Variants in PPP2R5A observed in about 807,000 individuals in gnomAD.
PPP2R5A encodes serine/threonine-protein phosphatase 2A 56 kDa regulatory subunit alpha isoform.
Under a neutral mutation model 64.2 loss-of-function variants are expected in PPP2R5A, and 25 were observed. The observed-to-expected ratio is 0.39, with a 90% CI of 0.28 to 0.54. The LOEUF (loss-of-function observed/expected upper bound fraction) is 0.54, where lower values mean the gene tolerates loss of function less well. Ranked by LOEUF, PPP2R5A falls within the 20% of genes least tolerant of loss-of-function variation. PPP2R5A has a pLI of 0.67. For missense variants in PPP2R5A, 425 were observed against 576.3 expected, an observed-to-expected ratio of 0.74 and a Z score of 2.69; for synonymous variants, 198 against 201.2, an observed-to-expected ratio of 0.98 and a Z score of 0.13.
At chr1:212,320,822 C>T (rs534232677) in intron 1 of PPP2R5A, among the ~76,000 whole-genome samples, 169 of 137,046 alleles carry the variant, frequency 1.2e-3, no homozygotes, top group Admixed American at 2.7e-3. Context: ...CTGACCCCCC[C>T]ACCTCCCTCC....
intron 1 of PPP2R5A, among the ~76,000 whole-genome samples, chr1:212,288,780 T>C (rs1558136543): frequency 1.3e-5 from 2 of 152,214 alleles, no homozygotes; most frequent in Non-Finnish European, 2.9e-5. Context: ...GAAAGAATTT[T>C]CTTCCTCCTC....
At chr1:212,309,665 A>T (rs1658991032) in intron 1 of PPP2R5A, 2 of 496,496 alleles carry the variant, frequency 4.0e-6, no homozygotes, top group Admixed American at 3.6e-5. Context: ...TTTCTGGCAC[A>T]TGGGTTATAT....
Position 212,329,212 on chromosome 1 carries a change from T to C in PPP2R5A, c.259T>C (p.Ser87Pro), listed in dbSNP as rs1571597343. 6.2e-7 allele frequency: 1 copy of C among 1,613,512 alleles called. No homozygotes were observed. Among genetic ancestry groups the C allele is most frequent in the Non-Finnish European group, 8.5e-7 (1 of 1,179,740 alleles). Residue 87 changes from serine to proline, a missense_variant, in exon 2 of 13, where the codon TCT becomes CCT. Ser to Pro is a moderately conservative substitution (Grantham distance 74, BLOSUM62 -1). Coordinates refer to ENST00000261461, the MANE Select transcript of PPP2R5A (RefSeq NM_006243.4). Reference protein sequence around the residue: ...QCCILFDFMDSVSDLKSKEIK... With the variant: ...QCCILFDFMDPVSDLKSKEIK... ...TTGTATACTGTTTGATTTCATGGAC[T>C]CTGTTTCAGACTTGAAGAGCAAAGA...
chr1:212,297,132 TTTTTTTG>T lies in PPP2R5A; in HGVS notation c.181+10842_181+10848del, dbSNP rs1658711909. ...TTTTTTTTTTTTTTTTTTTTTTTTTTTTTTTTGGAGACGGAGTCTCACTCTATCGCCC... is the reference window on the plus strand; with the variant it reads ...TTTTTTTTTTTTTTTTTTTTTTTTTTGAGACGGAGTCTCACTCTATCGCCC... On this transcript the variant is annotated intron_variant, in intron 1 of 12. Coordinates refer to ENST00000261461, the MANE Select transcript of PPP2R5A (RefSeq NM_006243.4). Among the ~76,000 whole-genome samples, 3 of 12,134 alleles carry T rather than the reference TTTTTTTG, an allele frequency of 2.5e-4. 1 individual carries two copies. The highest frequency in any genetic ancestry group is 1.8e-3 in the African/African-American group (3 of 1,666). 8.0% of individuals were successfully genotyped at this position (12,134 alleles called of 152,430 possible). A position where few individuals can be genotyped will look rare whatever the true frequency, so the allele number is the denominator to read the frequency against.
chr1:212,309,324 G>A, intron 1 of PPP2R5A: 2 of 1,524,828 alleles, frequency 1.3e-6, no homozygotes, highest in Non-Finnish European at 1.8e-6. Flanking sequence ...TTCTCCTGGG[G>A]GCGCTCTTCC....
In PPP2R5A at chr1:212,329,248, G is replaced by A. The variant is rs748103080; in HGVS notation, c.295G>A (p.Ala99Thr). The A allele has an allele frequency of 6.2e-7, 1 of 1,613,560 alleles. No homozygotes were observed. Among genetic ancestry groups the A allele is most frequent in the Non-Finnish European group, 8.5e-7 (1 of 1,179,774 alleles). ...SDLKSKEIKR[A>T]TLNELVEYVS... ...CTTGAAGAGCAAAGAAATTAAAAGA[G>A]CAACACTGAATGAACTGGTTGAGTA... Residue 99 changes from alanine to threonine, a missense_variant, in exon 2 of 13, where the codon GCA (alanine) becomes ACA (threonine). Transcript: ENST00000261461.
intron 1 of PPP2R5A, among the ~76,000 whole-genome samples, chr1:212,298,408 G>GC: frequency 2.1e-5 from 1 of 47,106 alleles, no homozygotes. Context: ...CGGCAGAAGT[G>GC]CCCCTCACCT....
At chr1:212,354,724 T>C (rs1659947809) in intron 8 of PPP2R5A, among the ~76,000 whole-genome samples, 1 of 111,338 alleles carries the variant, frequency 9.0e-6, no homozygotes, top group African/African-American at 4.2e-5. Flanking sequence ...GAGAGAAATG[T>C]TGAGAGAGAG....
At chr1:212,319,947 G>GTTTTTTTTTTTT (rs71137742) in intron 1 of PPP2R5A, among the ~76,000 whole-genome samples, 2 of 103,356 alleles carry the variant, frequency 1.9e-5, no homozygotes, top group Non-Finnish European at 1.9e-5. Context: ...CTTACAGATT[G>GTTTTTTTTTTTT]TTTTTTTTTT....
chr1:212,285,838 T>A lies in PPP2R5A; in HGVS notation c.-273T>A, dbSNP rs1658483565. On this transcript the variant is annotated 5_prime_UTR_variant, in exon 1 of 13. Coordinates refer to ENST00000261461, the MANE Select transcript of PPP2R5A (RefSeq NM_006243.4). ...CTCTGCGCGCCCAGAGTCAACAACT[T>A]CTTCACCCCCCTCCGCCCCCGCCCT... 1 of 353,494 alleles carries A rather than the reference T, an allele frequency of 2.8e-6. No homozygotes were observed. Among genetic ancestry groups the A allele is most frequent in the African/African-American group, 2.1e-5 (1 of 46,686 alleles). The allele number at this position is 353,494 out of a possible 1,614,324, so 21.9% of individuals were successfully genotyped here.
At chr1:212,335,454 A>G (rs1336775897) in intron 3 of PPP2R5A, among the ~76,000 whole-genome samples, 2 of 151,412 alleles carry the variant, frequency 1.3e-5, no homozygotes, top group Non-Finnish European at 2.9e-5. Context: ...CAGCCTGGGC[A>G]ACAAGAGAGA....
chr1:212,347,498 AT>A, intron 6 of PPP2R5A, 92 bp downstream of exon 6: 1 of 961,530 alleles, frequency 1.0e-6, no homozygotes, highest in Non-Finnish European at 1.6e-6. Flanking sequence ...ATTATGTCAT[AT>A]TTTAGAGTTT....
At position 212,348,441 on chromosome 1, in the gene PPP2R5A, A is replaced by G; in HGVS notation, c.817A>G (p.Met273Val). ...GAAAGCAGAACATAAACAATTTCTAATGAAGGTTCTTATTCCTATGCATAC... is the reference window on the plus strand; with the variant it reads ...GAAAGCAGAACATAAACAATTTCTAGTGAAGGTTCTTATTCCTATGCATAC... ...PLKAEHKQFL[M>V]KVLIPMHTAK... Residue 273 changes from methionine (M) to valine (V), a missense_variant, in exon 7 of 13, where the codon ATG becomes GTG. By Grantham distance (21) the Met-to-Val change is conservative. Around this residue, in one of 4 missense-constraint regions of PPP2R5A, gnomAD observed 177 missense variants for 244.8 expected, o/e 0.72. Coordinates refer to ENST00000261461, the MANE Select transcript of PPP2R5A (RefSeq NM_006243.4). 6.2e-7 allele frequency: 1 copy of G among 1,611,250 alleles called. No homozygotes were observed. Among genetic ancestry groups the G allele is most frequent in the South Asian group, 1.1e-5 (1 of 90,992 alleles).
At chr1:212,341,299 C>T (rs1171207601) in intron 3 of PPP2R5A, among the ~76,000 whole-genome samples, 3 of 152,204 alleles carry the variant, frequency 2.0e-5, no homozygotes, top group African/African-American at 7.2e-5. Flanking sequence ...CATTTCTTCC[C>T]TAGCCCTGTA....
chr1:212,318,036 G>A (rs760223633), intron 1 of PPP2R5A, among the ~76,000 whole-genome samples: 8 of 152,162 alleles, frequency 5.3e-5, no homozygotes, highest in Non-Finnish European at 1.2e-4. Flanking sequence ...AAAACCTAGC[G>A]GGGCTTTTGT....
rs1419844086 is a variant in PPP2R5A, at chr1:212,319,955, T to G, written c.182-9180T>G. Reference sequence around the variant, plus strand: ...TCTTTTTCTTACAGATTGTTTTTTTTTTTTTTTTTTTTTATTGATCATTCT... The same window carrying G: ...TCTTTTTCTTACAGATTGTTTTTTTGTTTTTTTTTTTTTATTGATCATTCT... On this transcript the variant is annotated intron_variant, in intron 1 of 12. Transcript: ENST00000261461. 4.0e-5 allele frequency among the ~76,000 whole-genome samples: 6 copies of G among 149,624 alleles called. No homozygotes were observed. In the South Asian group the frequency reaches 1.1e-3, roughly 26 times the overall value.
In PPP2R5A at chr1:212,286,219, C is replaced by T. The variant is rs868609509; in HGVS notation, c.109C>T (p.Arg37Cys). Residue 37 changes from arginine (R) to cysteine (C), a missense_variant, in exon 1 of 13, where the codon CGC becomes TGC. Physicochemically the swap from Arg to Cys is radical, Grantham distance 180 (BLOSUM62 -3). This residue lies in a region of PPP2R5A where 104 missense variants were observed against 95.7 expected (regional missense o/e 1.09). Coordinates refer to ENST00000261461, the MANE Select transcript of PPP2R5A (RefSeq NM_006243.4). ...GGTCCGCAAGGCGCAGAGGCAGAAG[C>T]GCTCCCAGGGCTCGTCGCAGTTTCG... ...KSVRKAQRQK[R>C]SQGSSQFRSQ... 6.4e-7 allele frequency: 1 copy of T among 1,572,278 alleles called. No individual in the cohort carries two copies. The highest frequency in any genetic ancestry group is 8.6e-7 in the Non-Finnish European group (1 of 1,160,316).
intron 8 of PPP2R5A, among the ~76,000 whole-genome samples, chr1:212,355,189 T>C (rs1029028003): frequency 6.6e-6 from 1 of 152,234 alleles, no homozygotes; most frequent in African/African-American, 2.4e-5. Flanking sequence ...CATCTGATTT[T>C]TACTGATGTT....
intron 1 of PPP2R5A, among the ~76,000 whole-genome samples, chr1:212,319,756 G>T (rs561322829): frequency 1.1e-4 from 17 of 151,454 alleles, no homozygotes; most frequent in African/African-American, 3.9e-4. Flanking sequence ...GAGTAGCTGG[G>T]ATTACAGGTG....
Sources: gnomAD v4.1 joint callset for allele counts (sites outside exome capture counted in the v4.1 genomes callset) on GRCh38, gnomAD v4.1.1 for gene constraint, gnomAD v4.1.1 regional missense constraint, MANE v1.5 for transcripts, NCBI Gene and HGNC (gene_info 2026-07-23, HGNC 2026-07-21) for gene names.